The following PRMT2 variants were observed in gnomAD, a reference collection of about 807,000 sequenced individuals.
The protein encoded by PRMT2 is protein arginine methyltransferase 2.
PRMT2 carries 26 observed loss-of-function variants against 57.6 expected under a neutral mutation model. That is an observed-to-expected ratio of 0.45 (90% CI 0.33 to 0.63). The LOEUF (loss-of-function observed/expected upper bound fraction) is 0.63, where lower values mean the gene tolerates loss of function less well. Ranked by LOEUF, PRMT2 falls within the 20% of genes least tolerant of loss-of-function variation. PRMT2 has a pLI of 0.02. For synonymous variants in PRMT2, 219 were observed against 220.0 expected (o/e 1.00, Z 0.04); for missense variants, 472 against 564.4 (o/e 0.84, Z 1.66).
intron 10 of PRMT2, among the ~76,000 whole-genome samples, chr21:46,663,097 T>C (rs1601959924): frequency 6.6e-6 from 1 of 152,210 alleles, no homozygotes; most frequent in African/African-American, 2.4e-5. Flanking sequence ...CTGAGTGGTC[T>C]CAGGAGCAAG....
intron 2 of PRMT2, 23 bp from the exon 3 acceptor site, chr21:46,636,873 T>C: frequency 1.4e-6 from 2 of 1,436,242 alleles, no homozygotes; most frequent in Admixed American, 3.9e-5. Context: ...GTACTTTGTG[T>C]CTCCTTCTCT....
At chr21:46,638,216 C>T (rs1453048069) in intron 3 of PRMT2, among the ~76,000 whole-genome samples, 1 of 152,168 alleles carries the variant, frequency 6.6e-6, no homozygotes, top group Non-Finnish European at 1.5e-5. Flanking sequence ...CTTCATATAA[C>T]TTTACCTTTG....
chr21:46,653,143 T>A (rs1360687198), intron 7 of PRMT2: 1 of 985,298 alleles, frequency 1.0e-6, no homozygotes, highest in Non-Finnish European at 1.2e-6. Context: ...TGGACCAAAA[T>A]TACAACCACA....
At chr21:46,645,913 C>T (rs1441377097) in intron 5 of PRMT2, among the ~76,000 whole-genome samples, 1 of 152,016 alleles carries the variant, frequency 6.6e-6, no homozygotes, top group African/African-American at 2.4e-5. Flanking sequence ...GGGGTTTTGC[C>T]ATGTTGGCCA....
intron 4 of PRMT2, 137 bp from the exon 5 acceptor site, chr21:46,644,169 T>G (rs1316993452): frequency 2.5e-5 from 20 of 807,542 alleles, no homozygotes; most frequent in Non-Finnish European, 3.4e-5. Context: ...GCAAACATTC[T>G]CAGTTGCTGT....
rs1473840879 is a variant in PRMT2 at position 46,663,389 on chromosome 21, A to T, written c.1104A>T (p.Thr368=). Residue 368 remains threonine, a synonymous_variant, in exon 11 of 12, where the codon ACA becomes ACT. Coordinates refer to ENST00000355680, the MANE Select transcript of PRMT2 (RefSeq NM_206962.4). ...ACGCACCCCTGTCTTGCAGCACCAC[A>T]CACTGGAAGCAGACGCTGTTCATGA... ...VLSTGPFHPT[T]HWKQTLFMMD... is the part of the protein sequence containing the mutation. The T allele has an allele frequency of 6.2e-7, 1 of 1,611,812 alleles. No homozygotes were observed. The highest frequency in any genetic ancestry group is 8.5e-7 in the Non-Finnish European group (1 of 1,178,306).
chr21:46,644,558 A>G, intron 5 of PRMT2, 70 bp downstream of exon 5: 1 of 1,458,110 alleles, frequency 6.9e-7, no homozygotes, highest in Non-Finnish European at 9.2e-7. Flanking sequence ...TTCTACTGCA[A>G]CGTTCAGAGC....
intron 3 of PRMT2, among the ~76,000 whole-genome samples, chr21:46,637,412 T>G (rs80040267): frequency 0.07 from 10,683 of 152,222 alleles, 545 homozygotes; most frequent in Non-Finnish European, 0.1. Context: ...AAGTTAGCAG[T>G]AAAAAATACC....
At chr21:46,647,793 T>C (rs1320297981) in intron 5 of PRMT2, among the ~76,000 whole-genome samples, 1 of 152,272 alleles carries the variant, frequency 6.6e-6, no homozygotes, top group African/African-American at 2.4e-5. Flanking sequence ...CAGCCTCAGT[T>C]ACTGGACAGT....
In PRMT2 at chr21:46,661,923, G is replaced by T; in HGVS notation, c.1084G>T (p.Gly362Trp). The T allele has an allele frequency of 7.0e-7, 1 of 1,422,686 alleles. No homozygotes were observed. Among genetic ancestry groups the T allele is most frequent in the Non-Finnish European group, 9.3e-7 (1 of 1,078,698 alleles). 88.1% of individuals were successfully genotyped at this position (1,422,686 alleles called of 1,614,324 possible). The change falls in exon 10 of 12, where the codon GGG becomes TGG. Residue 362 changes from glycine (G) to tryptophan (W), a missense_variant. Coordinates refer to ENST00000355680, the MANE Select transcript of PRMT2 (RefSeq NM_206962.4). Reference sequence around the variant, plus strand: ...GCAGCCGCCGCAGGTGCTCAGCACCGGGCCCTTCCACCCGTGAGTGTGCGG... The same window carrying T: ...GCAGCCGCCGCAGGTGCTCAGCACCTGGCCCTTCCACCCGTGAGTGTGCGG... ...EGQPPQVLSTGPFHPTTHWKQ... is the reference protein window; with the variant it reads ...EGQPPQVLSTWPFHPTTHWKQ...
At chr21:46,654,994 C>T (rs1335688239) in intron 7 of PRMT2, 2 of 784,800 alleles carry the variant, frequency 2.5e-6, no homozygotes, top group Non-Finnish European at 3.1e-6. Context: ...TTGAAAACTG[C>T]AAATTACCAC....
chr21:46,660,800 ACT>A (rs1491216425), intron 8 of PRMT2, 31 bp from the exon 9 acceptor site: 2 of 1,611,018 alleles, frequency 1.2e-6, no homozygotes, highest in African/African-American at 1.3e-5. Flanking sequence ...GTTTGCAATG[ACT>A]CTCAACAGTC....
At chr21:46,642,801 T>C (rs943821698) in intron 3 of PRMT2, among the ~76,000 whole-genome samples, 3 of 152,114 alleles carry the variant, frequency 2.0e-5, no homozygotes, top group Non-Finnish European at 4.4e-5. Context: ...GGCAGGTGGA[T>C]TGCCTGAGCT....
At chr21:46,639,736 T>C (rs941664476) in intron 3 of PRMT2, among the ~76,000 whole-genome samples, 22 of 151,622 alleles carry the variant, frequency 1.5e-4, no homozygotes, top group Non-Finnish European at 5.9e-5. Flanking sequence ...GTATTTTTTT[T>C]CCCTCAACTT....
chr21:46,636,008 T>A (rs903730381), intron 1 of PRMT2: 3 of 152,914 alleles, frequency 2.0e-5, no homozygotes, highest in Non-Finnish European at 4.4e-5. Context: ...CAGCGCCTTC[T>A]ACGGCCACGC....
chr21:46,643,306 T>G, intron 3 of PRMT2: 1 of 778,032 alleles, frequency 1.3e-6, no homozygotes, highest in Non-Finnish European at 1.7e-6. Flanking sequence ...ACTTCTTGCT[T>G]TGATGTTCTC....
chr21:46,663,697 A>G (rs2061664229), intron 11 of PRMT2, 143 bp downstream of exon 11: 1 of 847,590 alleles, frequency 1.2e-6, no homozygotes. Flanking sequence ...TTACACAGAA[A>G]GCGCCTGTTG....
intron 7 of PRMT2, chr21:46,652,742 G>A (rs1050710301): frequency 1.7e-4 from 188 of 1,128,978 alleles, no homozygotes; most frequent in Non-Finnish European, 2.0e-4. Flanking sequence ...TGAAGGAGAC[G>A]CAAGTAAAGA....
At chr21:46,650,646 A>C (rs116056736) in intron 7 of PRMT2, among the ~76,000 whole-genome samples, 1 of 152,194 alleles carries the variant, frequency 6.6e-6, no homozygotes, top group Non-Finnish European at 1.5e-5. Flanking sequence ...CGCCCATTCA[A>C]TAAGTATCTG....
Sources: gnomAD v4.1 joint callset for allele counts (sites outside exome capture counted in the v4.1 genomes callset) on GRCh38, gnomAD v4.1.1 for gene constraint, MANE v1.5 for transcripts, NCBI Gene and HGNC (gene_info 2026-07-23, HGNC 2026-07-21) for gene names.